CWH43: variants seen among roughly 807,000 people sequenced by gnomAD.
The protein encoded by CWH43 is PGAP2-interacting protein.
CWH43 carries 91 observed loss-of-function variants against 85.7 expected under a neutral mutation model. The observed-to-expected ratio is 1.06, with a 90% CI of 0.90 to 1.26. The LOEUF (loss-of-function observed/expected upper bound fraction) is 1.26, where lower values mean the gene tolerates loss of function less well. CWH43 is among the 50% of genes most tolerant of loss of function. The pLI is 0.00. For missense variants in CWH43, 869 were observed against 839.2 expected (o/e 1.04, Z -0.44); for synonymous variants, 323 against 293.6 (o/e 1.10, Z -1.02).
chr4:48,997,178 A>G (rs1782841376), intron 5 of CWH43, among the ~76,000 whole-genome samples: 1 of 151,872 alleles, frequency 6.6e-6, no homozygotes, highest in Non-Finnish European at 1.5e-5. Flanking sequence ...ATCATCATGA[A>G]TAGCTGGGAC....
intron 15 of CWH43, among the ~76,000 whole-genome samples, chr4:49,053,423 T>C (rs766663442): frequency 6.6e-6 from 1 of 152,122 alleles, no homozygotes; most frequent in Non-Finnish European, 1.5e-5. Context: ...TGAACAAGGG[T>C]TCCTTTTGCT....
chr4:49,040,315 C>T (rs894221884), intron 13 of CWH43, among the ~76,000 whole-genome samples: 2 of 152,174 alleles, frequency 1.3e-5, no homozygotes, highest in South Asian at 4.1e-4. Context: ...CCTGAGGAAT[C>T]GCCACACTGA....
At chr4:49,029,959 T>A (rs1784042213) in intron 10 of CWH43, among the ~76,000 whole-genome samples, 2 of 152,136 alleles carry the variant, frequency 1.3e-5, no homozygotes, top group Admixed American at 1.3e-4. Context: ...CCAGTGCAGG[T>A]CCTCTGTATG....
At chr4:48,994,898 A>G in intron 5 of CWH43, 78 bp downstream of exon 5, 1 of 1,140,040 alleles carries the variant, frequency 8.8e-7, no homozygotes, top group South Asian at 1.2e-5. Context: ...TCAGACAGCT[A>G]GGTCTGTGCT....
chr4:49,029,386 A>G (rs1315582232), intron 10 of CWH43, among the ~76,000 whole-genome samples: 2 of 152,192 alleles, frequency 1.3e-5, no homozygotes, highest in African/African-American at 4.8e-5. Flanking sequence ...CAGGGGCACA[A>G]TGCACTGCGG....
Position 48,998,935 on chromosome 4 carries a change from C to T in CWH43, c.802+387C>T, listed in dbSNP as rs146309608. Among the ~76,000 whole-genome samples, 590 of 152,224 alleles carry T rather than the reference C, an allele frequency of 3.9e-3. 8 individuals are homozygous for T. Among genetic ancestry groups the T allele is most frequent in the African/African-American group, 0.014 (573 of 41,524 alleles). On this transcript the variant is annotated intron_variant, in intron 6 of 15. Coordinates refer to ENST00000226432, the MANE Select transcript of CWH43 (RefSeq NM_025087.3). ...ACTTATGGGTTACAAGTGAGATTGA[C>T]TGATTGATAACTTTTAAGTTCAGGG...
chr4:49,015,314 ATTATACTTTCAATATC>A (rs957601764), intron 8 of CWH43, among the ~76,000 whole-genome samples: 2 of 150,706 alleles, frequency 1.3e-5, no homozygotes, highest in Non-Finnish European at 2.9e-5. Flanking sequence ...TAGTTTGGAA[ATTATACTTTCAATATC>A]TATTCTTTTA....
At chr4:48,991,603 A>G in intron 3 of CWH43, 29 bp downstream of exon 3, 1 of 1,611,340 alleles carries the variant, frequency 6.2e-7, no homozygotes, top group East Asian at 2.2e-5. Flanking sequence ...GTACTTATAG[A>G]CAAACAAGTA....
At position 49,027,534 on chromosome 4, in the gene CWH43, G is replaced by A. The variant is rs150249666; in HGVS notation, c.1267-1095G>A. Among the ~76,000 whole-genome samples the A allele has an allele frequency of 6.8e-4, 103 of 152,042 alleles. 1 individual carries two copies. Among genetic ancestry groups the A allele is most frequent in the African/African-American group, 2.3e-3 (95 of 41,462 alleles). On this transcript the variant is annotated intron_variant, in intron 9 of 15. Coordinates refer to ENST00000226432, the MANE Select transcript of CWH43 (RefSeq NM_025087.3). ...CATTAGATTTTTTTCTGTTTTTACC[G>A]TTTTAAAAATTATTTAAATTTTTTT...
At chr4:49,019,635 A>C (rs1783675422) in intron 9 of CWH43, among the ~76,000 whole-genome samples, 1 of 151,946 alleles carries the variant, frequency 6.6e-6, no homozygotes, top group South Asian at 2.1e-4. Flanking sequence ...GCTGGGGTGC[A>C]GTGGCATGAT....
In CWH43 at chr4:49,004,090, C is replaced by G. The variant is rs533118572; in HGVS notation, c.1060+98C>G. The G allele has an allele frequency of 5.2e-5, 57 of 1,099,120 alleles. No individual in the cohort carries two copies. The South Asian group carries it at 9.7e-4, about 19-fold the overall frequency. The allele number at this position is 1,099,120 out of a possible 1,614,324, so 68.1% of individuals were successfully genotyped here. The stretch of plus-strand genomic sequence containing the variant: ...ACTTTATGTAACTGGTGGAAATAAG[C>G]AGGATGATCTAGCTTTCTTGGTAAA... On this transcript the variant is annotated intron_variant, in intron 7 of 15. Transcript: ENST00000226432.
intron 15 of CWH43, among the ~76,000 whole-genome samples, chr4:49,058,839 G>C (rs1346021354): frequency 6.6e-6 from 1 of 152,276 alleles, no homozygotes; most frequent in East Asian, 1.9e-4. Flanking sequence ...TAGTCTTATA[G>C]GTGTTCCCTT....
intron 14 of CWH43, among the ~76,000 whole-genome samples, chr4:49,046,525 AAAT>A (rs984987795): frequency 3.3e-5 from 5 of 152,146 alleles, no homozygotes; most frequent in Non-Finnish European, 7.4e-5. Context: ...GATGAAAGAA[AAAT>A]AATAAATCCA....
chr4:49,024,367 A>G (rs1226344487), intron 9 of CWH43, among the ~76,000 whole-genome samples: 7 of 152,124 alleles, frequency 4.6e-5, no homozygotes, highest in African/African-American at 1.4e-4. Context: ...GACGTGAGGT[A>G]CTATTCTATT....
intron 9 of CWH43, among the ~76,000 whole-genome samples, chr4:49,024,359 C>T (rs188510298): frequency 3.3e-5 from 5 of 152,144 alleles, no homozygotes; most frequent in South Asian, 2.1e-4. Context: ...AGTATTGAGA[C>T]GTGAGGTACT....
At chr4:49,060,099 G>C (rs1785100095) in intron 15 of CWH43, among the ~76,000 whole-genome samples, 1 of 152,008 alleles carries the variant, frequency 6.6e-6, no homozygotes, top group East Asian at 1.9e-4. Context: ...TTAAAGCCTG[G>C]GTTCACAGGG....
At chr4:49,043,254 G>A (rs1784523340) in intron 13 of CWH43, among the ~76,000 whole-genome samples, 1 of 152,184 alleles carries the variant, frequency 6.6e-6, no homozygotes, top group South Asian at 2.1e-4. Flanking sequence ...TGTGTGTCTG[G>A]CTGTATGTTG....
intron 5 of CWH43, among the ~76,000 whole-genome samples, chr4:48,997,908 C>T (rs1401122242): frequency 6.6e-6 from 1 of 152,126 alleles, no homozygotes; most frequent in Non-Finnish European, 1.5e-5. Context: ...ATTATTGTTT[C>T]TGGGTTTCCT....
At chr4:49,018,150 A>C (rs1783620746) in intron 9 of CWH43, among the ~76,000 whole-genome samples, 1 of 152,070 alleles carries the variant, frequency 6.6e-6, no homozygotes, top group Non-Finnish European at 1.5e-5. Context: ...TCACTTTAAA[A>C]CAACCAGATC....
Sources: gnomAD v4.1 joint callset for allele counts (sites outside exome capture counted in the v4.1 genomes callset) on GRCh38, gnomAD v4.1.1 for gene constraint, MANE v1.5 for transcripts, NCBI Gene and HGNC (gene_info 2026-07-23, HGNC 2026-07-21) for gene names.